Variants in RYR3 observed in about 807,000 individuals in gnomAD.
RYR3 encodes the protein ryanodine receptor 3, also known as brain ryanodine receptor-calcium release channel.
RYR3 carries 207 observed loss-of-function variants against 584.3 expected under a neutral mutation model. That is an observed-to-expected ratio of 0.35 (90% CI 0.32 to 0.40). The LOEUF (loss-of-function observed/expected upper bound fraction) is 0.40, where lower values mean the gene tolerates loss of function less well. Ranked by LOEUF, RYR3 falls within the 10% of genes least tolerant of loss-of-function variation. The pLI is 1.00. For synonymous variants in RYR3, 2,416 were observed against 2,248.5 expected (o/e 1.07, Z -2.11); for missense variants, 5,616 against 6,089.2 (o/e 0.92, Z 2.59).
intron 1 of RYR3, among the ~76,000 whole-genome samples, chr15:33,456,985 G>C (rs888206346): frequency 6.6e-6 from 1 of 152,088 alleles, no homozygotes; most frequent in African/African-American, 2.4e-5. Context: ...TTTTGTTTGT[G>C]TTCGACAAAT....
In RYR3 at chr15:33,606,894, A is replaced by G. The variant is rs191808441; in HGVS notation, c.2164+3530A>G. On this transcript the variant is annotated intron_variant, in intron 18 of 103. Transcript: ENST00000634891. ...CATCCCAAGAGATGAGTAGTACGGAAGCGAATGAATGGAGTAAAATTGTGT... is the reference window on the plus strand; with the variant it reads ...CATCCCAAGAGATGAGTAGTACGGAGGCGAATGAATGGAGTAAAATTGTGT... 4.8e-3 allele frequency among the ~76,000 whole-genome samples: 737 copies of G among 152,338 alleles called. 2 individuals are homozygous for G. Among genetic ancestry groups the G allele is most frequent in the Middle Eastern group, 0.01 (3 of 294 alleles).
At chr15:33,864,457 A>G (rs958749845) in intron 103 of RYR3, among the ~76,000 whole-genome samples, 11 of 152,230 alleles carry the variant, frequency 7.2e-5, no homozygotes, top group African/African-American at 2.4e-4. Context: ...AATATGAAAT[A>G]AGAAATTGTC....
At chr15:33,478,191 A>G (rs540920268) in intron 2 of RYR3, among the ~76,000 whole-genome samples, 1 of 152,254 alleles carries the variant, frequency 6.6e-6, no homozygotes, top group South Asian at 2.1e-4. Flanking sequence ...TCAGAAGGAC[A>G]TAGGACAGAA....
chr15:33,324,665 A>G (rs1217572869), intron 1 of RYR3, among the ~76,000 whole-genome samples: 2 of 152,122 alleles, frequency 1.3e-5, no homozygotes, highest in Non-Finnish European at 2.9e-5. Flanking sequence ...GCTACTAAGG[A>G]TGGTGCTTAG....
At chr15:33,539,980 G>C (rs533530716) in intron 6 of RYR3, among the ~76,000 whole-genome samples, 4 of 152,158 alleles carry the variant, frequency 2.6e-5, no homozygotes, top group Non-Finnish European at 4.4e-5. Context: ...TGTATATGCA[G>C]ACCTGTGCAG....
At chr15:33,635,159 A>AT (rs1381409410) in intron 25 of RYR3, among the ~76,000 whole-genome samples, 1 of 152,150 alleles carries the variant, frequency 6.6e-6, no homozygotes, top group Non-Finnish European at 1.5e-5. Context: ...TGAGCCTGTT[A>AT]TTGTCATCCC....
At chr15:33,503,277 C>A (rs2142752241) in intron 2 of RYR3, among the ~76,000 whole-genome samples, 1 of 152,230 alleles carries the variant, frequency 6.6e-6, no homozygotes, top group African/African-American at 2.4e-5. Context: ...TGGATGAAAT[C>A]CCAGTGGCTT....
intron 14 of RYR3, among the ~76,000 whole-genome samples, chr15:33,582,599 G>T (rs1399659839): frequency 6.6e-6 from 1 of 152,150 alleles, no homozygotes; most frequent in Non-Finnish European, 1.5e-5. Flanking sequence ...AACACTTTAA[G>T]GGTCAGTTAT....
chr15:33,396,014 G>A (rs2042275076), intron 1 of RYR3, among the ~76,000 whole-genome samples: 1 of 152,204 alleles, frequency 6.6e-6, no homozygotes, highest in Non-Finnish European at 1.5e-5. Context: ...GCCCACTTTG[G>A]ATATCTGGCC....
chr15:33,657,594 C>G (rs1400608294), intron 32 of RYR3, among the ~76,000 whole-genome samples: 1 of 152,214 alleles, frequency 6.6e-6, no homozygotes, highest in Non-Finnish European at 1.5e-5. Context: ...ATTCATGTCT[C>G]ATCACCATGA....
chr15:33,636,633 C>G (rs1481053722), intron 27 of RYR3, 83 bp downstream of exon 27: 11 of 1,209,074 alleles, frequency 9.1e-6, no homozygotes, highest in Middle Eastern at 2.2e-4. Flanking sequence ...GCTCTACTTC[C>G]TTATTCGGTC....
At chr15:33,585,929 G>T in intron 15 of RYR3, 69 bp from the exon 16 acceptor site, 1 of 865,740 alleles carries the variant, frequency 1.2e-6, no homozygotes, top group Non-Finnish European at 2.0e-6. Context: ...TCATACTCAG[G>T]TTTCTAAATT....
chr15:33,850,304 C>A (rs1319849929), intron 94 of RYR3: 1 of 152,068 alleles, frequency 6.6e-6, no homozygotes, highest in Non-Finnish European at 1.5e-5. Flanking sequence ...ATCACTTGAA[C>A]CTGGGAGGCG....
Position 33,773,597 on chromosome 15 carries a change from A to T in RYR3, c.9119A>T (p.Lys3040Met). 3 of 1,606,234 alleles carry T rather than the reference A, an allele frequency of 1.9e-6. No homozygotes were observed. Among genetic ancestry groups the T allele is most frequent in the Non-Finnish European group, 2.6e-6 (3 of 1,175,518 alleles). Residue 3040 changes from lysine to methionine, a missense_variant, in exon 64 of 104, where the codon AAG (lysine) becomes ATG (methionine). Lys to Met is a moderately conservative substitution (Grantham distance 95). This residue lies in a region of RYR3 where 954 missense variants were observed against 1,132.2 expected (regional missense o/e 0.84). Coordinates refer to ENST00000634891, the MANE Select transcript of RYR3 (RefSeq NM_001036.6). ...LCSLYSLGTGKNIYVERQRPA... is the reference protein window; with the variant it reads ...LCSLYSLGTGMNIYVERQRPA... ...AGCCTCTACTCCCTTGGGACGGGAA[A>T]GAACATTTATGTTGAAAGGTAATTA...
intron 10 of RYR3, among the ~76,000 whole-genome samples, chr15:33,560,743 T>C (rs2057356332): frequency 6.6e-6 from 1 of 152,216 alleles, no homozygotes; most frequent in Non-Finnish European, 1.5e-5. Flanking sequence ...TCCATTGTTT[T>C]ATAGGATAAA....
intron 98 of RYR3, chr15:33,856,047 A>C (rs1686172556): frequency 6.6e-6 from 1 of 152,188 alleles, no homozygotes; most frequent in African/African-American, 2.4e-5. Context: ...CCTCACAACT[A>C]CCTGGTAAGG....
intron 43 of RYR3, among the ~76,000 whole-genome samples, chr15:33,715,209 T>C (rs4780163): frequency 0.14 from 21,740 of 152,216 alleles, 4,027 homozygotes; most frequent in African/African-American, 0.43. Flanking sequence ...TCATCTGGTT[T>C]ATTTCTGCCC....
intron 42 of RYR3, 47 bp from the exon 43 acceptor site, chr15:33,706,872 G>T: frequency 6.6e-7 from 1 of 1,516,604 alleles, no homozygotes; most frequent in Non-Finnish European, 8.9e-7. Context: ...TTTTTTAATA[G>T]CCATCCTAAT....
Position 33,865,483 on chromosome 15 carries a change from C to G in RYR3, c.*257C>G, listed in dbSNP as rs996837742. 1.9e-5 allele frequency: 8 copies of G among 413,246 alleles called. No individual in the cohort carries two copies. The highest frequency in any genetic ancestry group is 1.6e-4 in the African/African-American group (8 of 49,918). 25.6% of individuals were successfully genotyped at this position (413,246 alleles called of 1,614,324 possible). A position where few individuals can be genotyped will look rare whatever the true frequency, so the allele number is the denominator to read the frequency against. ...CAAGTAATCTCTAGGCAAATGCCTT[C>G]AAGTTTTCCAGTTCTGAGGTAACTA... On this transcript the variant is annotated 3_prime_UTR_variant, in exon 104 of 104. Coordinates refer to ENST00000634891, the MANE Select transcript of RYR3 (RefSeq NM_001036.6).
Sources: gnomAD v4.1 joint callset for allele counts (sites outside exome capture counted in the v4.1 genomes callset) on GRCh38, gnomAD v4.1.1 for gene constraint, gnomAD v4.1.1 regional missense constraint, MANE v1.5 for transcripts, NCBI Gene and HGNC (gene_info 2026-07-23, HGNC 2026-07-21) for gene names.